Variants in NREP observed in about 807,000 individuals in gnomAD.
NREP encodes neuronal regeneration-related protein.
NREP carries 5 observed loss-of-function variants against 8.6 expected under a neutral mutation model. The observed-to-expected ratio is 0.58, with a 90% confidence interval of 0.30 to 1.22. The LOEUF is 1.22. NREP is among the 50% of genes most tolerant of loss of function. The pLI, the probability that NREP is intolerant of heterozygous loss-of-function variation, is 0.07. For synonymous variants in NREP, 27 were observed against 28.0 expected, an observed-to-expected ratio of 0.96 and a Z score of 0.11; for missense variants, 86 against 82.5, an observed-to-expected ratio of 1.04 and a Z score of -0.17.
chr5:111,974,101 C>A (rs1756896156), intron 2 of NREP, among the ~76,000 whole-genome samples: 1 of 152,156 alleles, frequency 6.6e-6, no homozygotes, highest in South Asian at 2.1e-4. Context: ...TCTCATTTTG[C>A]CTTCCTACCG....
chr5:111,816,719 G>GA (rs923584005), intron 2 of NREP, among the ~76,000 whole-genome samples: 178 of 141,372 alleles, frequency 1.3e-3, no homozygotes, highest in African/African-American at 3.8e-3. Context: ...AAGAAGAAAA[G>GA]AAAAAAAAAA....
At chr5:111,947,596 T>C (rs1276572087) in intron 2 of NREP, among the ~76,000 whole-genome samples, 1 of 152,018 alleles carries the variant, frequency 6.6e-6, no homozygotes, top group Non-Finnish European at 1.5e-5. Flanking sequence ...GGTAATGTAA[T>C]CTGTTCTTTA....
intron 2 of NREP, among the ~76,000 whole-genome samples, chr5:111,866,123 A>G (rs1322586835): frequency 6.6e-6 from 1 of 152,178 alleles, no homozygotes; most frequent in Non-Finnish European, 1.5e-5. Flanking sequence ...ACCAAAAGCA[A>G]TGGCAACAAA....
chr5:111,731,707 A>T (rs1020786520), intron 3 of NREP: 1 of 152,298 alleles, frequency 6.6e-6, no homozygotes, highest in Non-Finnish European at 1.5e-5. Flanking sequence ...GATTCAGCTC[A>T]TCTAGACTGA....
intron 2 of NREP, among the ~76,000 whole-genome samples, chr5:111,963,954 C>T (rs1221717908): frequency 6.6e-6 from 1 of 152,162 alleles, no homozygotes; most frequent in Non-Finnish European, 1.5e-5. Flanking sequence ...CATAGAAGAG[C>T]AATTAAACAG....
intron 2 of NREP, among the ~76,000 whole-genome samples, chr5:111,879,185 C>G (rs1753985506): frequency 6.6e-6 from 1 of 152,198 alleles, no homozygotes; most frequent in African/African-American, 2.4e-5. Flanking sequence ...TGGCTCCCCC[C>G]TTTTGCCTAC....
intron 2 of NREP, among the ~76,000 whole-genome samples, chr5:111,824,595 G>C (rs1354146274): frequency 1.3e-5 from 2 of 152,044 alleles, no homozygotes; most frequent in African/African-American, 4.8e-5. Flanking sequence ...GAAATATGTT[G>C]ATGGAAGGGC....
chr5:111,806,831 T>A (rs1318243891), intron 2 of NREP, among the ~76,000 whole-genome samples: 1 of 151,942 alleles, frequency 6.6e-6, no homozygotes, highest in Non-Finnish European at 1.5e-5. Context: ...GATCTAAAGT[T>A]ATGTATGTGA....
At chr5:111,831,629 CA>C (rs1252659688) in intron 2 of NREP, among the ~76,000 whole-genome samples, 1 of 152,228 alleles carries the variant, frequency 6.6e-6, no homozygotes, top group African/African-American at 2.4e-5. Context: ...ACAGTTTGTT[CA>C]CTGTAGGTGG....
At chr5:111,817,262 A>G in intron 2 of NREP, among the ~76,000 whole-genome samples, 1 of 152,138 alleles carries the variant, frequency 6.6e-6, no homozygotes, top group East Asian at 1.9e-4. Flanking sequence ...TTTATCTTTT[A>G]TTAATTTTAT....
intron 2 of NREP, among the ~76,000 whole-genome samples, chr5:111,785,468 C>T (rs778333880): frequency 1.3e-4 from 20 of 151,948 alleles, no homozygotes; most frequent in Non-Finnish European, 2.2e-4. Context: ...TTAGTAGAGT[C>T]GGGGTTTCAC....
chr5:111,871,399 A>G (rs1486670866), intron 2 of NREP, among the ~76,000 whole-genome samples: 1 of 152,184 alleles, frequency 6.6e-6, no homozygotes, highest in Non-Finnish European at 1.5e-5. Flanking sequence ...TTGCAGGACT[A>G]GAAGTTGCTC....
chr5:111,975,135 T>G, intron 2 of NREP: 1 of 643,374 alleles, frequency 1.6e-6, no homozygotes, highest in Non-Finnish European at 2.8e-6. Flanking sequence ...CTGAAAAGCC[T>G]GAATTAATGG....
At chr5:111,889,533 A>C (rs1054897949) in intron 2 of NREP, among the ~76,000 whole-genome samples, 1 of 152,148 alleles carries the variant, frequency 6.6e-6, no homozygotes, top group Non-Finnish European at 1.5e-5. Context: ...CACATTGCAA[A>C]ATATAATCAT....
At chr5:111,787,651 G>A (rs1022059120) in intron 2 of NREP, among the ~76,000 whole-genome samples, 4 of 151,932 alleles carry the variant, frequency 2.6e-5, no homozygotes, top group South Asian at 2.1e-4. Context: ...AGTTAAAGCC[G>A]TAATTTCCAA....
chr5:111,969,075 A>T (rs912651763), intron 2 of NREP, among the ~76,000 whole-genome samples: 4 of 152,256 alleles, frequency 2.6e-5, no homozygotes, highest in Non-Finnish European at 5.9e-5. Context: ...TGAACCAGAT[A>T]TCAGGACATT....
chr5:111,747,745 C>T (rs1161121697), intron 2 of NREP, among the ~76,000 whole-genome samples: 1 of 152,130 alleles, frequency 6.6e-6, no homozygotes, highest in Non-Finnish European at 1.5e-5. Flanking sequence ...TTATTTACTC[C>T]TTCTCCTTCT....
At chr5:111,934,179 T>G (rs1264253440) in intron 2 of NREP, among the ~76,000 whole-genome samples, 2 of 152,048 alleles carry the variant, frequency 1.3e-5, no homozygotes, top group African/African-American at 4.8e-5. Flanking sequence ...ACCTAGGTTG[T>G]AAGGTGAATG....
intron 2 of NREP, chr5:111,738,911 G>A (rs1184777518): frequency 1.3e-5 from 2 of 152,206 alleles, no homozygotes; most frequent in African/African-American, 4.8e-5. Flanking sequence ...GATACACAGA[G>A]GAAAGACCAT....
Sources: allele counts gnomAD v4.1 joint callset (sites outside exome capture counted in the v4.1 genomes callset), GRCh38; gene constraint gnomAD v4.1.1; transcripts MANE v1.5; gene names NCBI Gene and HGNC (gene_info 2026-07-23, HGNC 2026-07-21).